TMEM178B: variants seen among roughly 807,000 people sequenced by gnomAD.
TMEM178B encodes the protein transmembrane protein 178B.
Under a neutral mutation model 31.0 loss-of-function variants are expected in TMEM178B, and 5 were observed. The observed-to-expected ratio is 0.16, with a 90% CI of 0.08 to 0.34. The LOEUF (loss-of-function observed/expected upper bound fraction) is 0.34, where lower values mean the gene tolerates loss of function less well. Ranked by LOEUF, TMEM178B falls within the 10% of genes least tolerant of loss-of-function variation. The pLI is 1.00. For missense variants in TMEM178B, 275 were observed against 400.3 expected (o/e 0.69, Z 2.67); for synonymous variants, 164 against 164.0 (o/e 1.00, Z 0.00).
chr7:141,117,830 C>T (rs1043016763), intron 1 of TMEM178B, among the ~76,000 whole-genome samples: 8 of 152,130 alleles, frequency 5.3e-5, no homozygotes, highest in Middle Eastern at 6.8e-3. Context: ...AGATGTGTGG[C>T]GTTTTTTCTG....
intron 2 of TMEM178B, among the ~76,000 whole-genome samples, chr7:141,268,103 A>G (rs1401933834): frequency 6.6e-6 from 1 of 152,236 alleles, no homozygotes; most frequent in African/African-American, 2.4e-5. Flanking sequence ...AAACTATGCA[A>G]TGGATTTCTA....
chr7:141,245,222 A>G (rs987169270), intron 2 of TMEM178B, among the ~76,000 whole-genome samples: 7 of 126,230 alleles, frequency 5.5e-5, no homozygotes, highest in Admixed American at 5.3e-4. Flanking sequence ...AAGGATGCAC[A>G]GGGGAGGTAG....
At chr7:141,493,597 T>A in the TMEM178B span, among the ~76,000 whole-genome samples, 1 of 152,140 alleles carries the variant, frequency 6.6e-6, no homozygotes, top group Non-Finnish European at 1.5e-5. Context: ...CTGCAGGTAA[T>A]TTTTTTGTTC....
intron 2 of TMEM178B, among the ~76,000 whole-genome samples, chr7:141,244,900 G>T (rs759713983): frequency 1.3e-5 from 2 of 151,900 alleles, no homozygotes; most frequent in Non-Finnish European, 2.9e-5. Flanking sequence ...CATTTTGGGA[G>T]GCTGAGGTGG....
chr7:141,074,860 C>T lies in TMEM178B; in HGVS notation c.382+168C>T, dbSNP rs544467072. 7.2e-5 allele frequency among the ~76,000 whole-genome samples: 11 copies of T among 152,228 alleles called. No homozygotes were observed. The highest frequency in any genetic ancestry group is 2.1e-4 in the South Asian group (1 of 4,834). Reference sequence around the variant, plus strand: ...GGGGCCAGGACTTGCCTCCCAATAGCTGTTAATGAAGCTTGGTGCAGGCTT... The same window carrying T: ...GGGGCCAGGACTTGCCTCCCAATAGTTGTTAATGAAGCTTGGTGCAGGCTT... On this transcript the variant is annotated intron_variant, in intron 1 of 3. Transcript: ENST00000565468. This position sits in a 1 kb window ranked among gnomAD's most constrained non-coding sequence, Gnocchi z 5.1.
chr7:141,449,067 C>T (rs1801813492), intron 3 of TMEM178B, among the ~76,000 whole-genome samples: 1 of 152,150 alleles, frequency 6.6e-6, no homozygotes, highest in Admixed American at 6.5e-5. Context: ...CTCCACAGTG[C>T]TGGATTGCTA....
At chr7:141,108,505 G>A (rs1795181845) in intron 1 of TMEM178B, among the ~76,000 whole-genome samples, 1 of 152,180 alleles carries the variant, frequency 6.6e-6, no homozygotes, top group Admixed American at 6.5e-5. Context: ...CTGGGAGTTT[G>A]TGGAAATTCT....
At chr7:141,181,552 T>A (rs2129183965) in intron 1 of TMEM178B, among the ~76,000 whole-genome samples, 1 of 152,328 alleles carries the variant, frequency 6.6e-6, no homozygotes, top group South Asian at 2.1e-4. Context: ...ATTGGGAGGT[T>A]ATATCCTGTG....
chr7:141,430,122 G>C (rs1801396596), intron 2 of TMEM178B: 1 of 152,224 alleles, frequency 6.6e-6, no homozygotes, highest in African/African-American at 2.4e-5. Flanking sequence ...GGCAGCACCA[G>C]CTCCCTGGGG....
chr7:141,502,811 T>C, the TMEM178B span, among the ~76,000 whole-genome samples: 1 of 152,094 alleles, frequency 6.6e-6, no homozygotes, highest in Non-Finnish European at 1.5e-5. Flanking sequence ...CAGCCATTAC[T>C]GGCACAACAT....
intron 2 of TMEM178B, among the ~76,000 whole-genome samples, chr7:141,224,913 G>A (rs1016076233): frequency 1.3e-5 from 2 of 152,226 alleles, no homozygotes; most frequent in Non-Finnish European, 2.9e-5. Context: ...GGCACTGGAA[G>A]TGGAGTGACC....
At chr7:141,455,497 A>T (rs1010728900) in intron 3 of TMEM178B, among the ~76,000 whole-genome samples, 28 of 152,252 alleles carry the variant, frequency 1.8e-4, no homozygotes, top group Non-Finnish European at 1.5e-5. Flanking sequence ...ATACAGGTGT[A>T]CATGAAATTG....
intron 3 of TMEM178B, among the ~76,000 whole-genome samples, chr7:141,462,351 A>G (rs1266587942): frequency 3.3e-5 from 5 of 152,176 alleles, no homozygotes; most frequent in Admixed American, 2.0e-4. Flanking sequence ...TGGCCAGGGA[A>G]CACCTTGAAT....
intron 2 of TMEM178B, among the ~76,000 whole-genome samples, chr7:141,287,499 A>G (rs1223378240): frequency 6.6e-6 from 1 of 152,200 alleles, no homozygotes; most frequent in East Asian, 1.9e-4. Flanking sequence ...TATAGAAATG[A>G]GGTTATGTAG....
intron 1 of TMEM178B, among the ~76,000 whole-genome samples, chr7:141,184,876 G>A (rs1796584023): frequency 6.6e-6 from 1 of 152,198 alleles, no homozygotes; most frequent in South Asian, 2.1e-4. Context: ...CCAGAGAGAG[G>A]AAAACACAGG....
chr7:141,098,846 A>G (rs943500482), intron 1 of TMEM178B, among the ~76,000 whole-genome samples: 1 of 152,222 alleles, frequency 6.6e-6, no homozygotes, highest in Non-Finnish European at 1.5e-5. Flanking sequence ...GTGCAAGTGC[A>G]TATCTGAAAG....
chr7:141,420,389 T>G (rs1801181859), intron 2 of TMEM178B, among the ~76,000 whole-genome samples: 1 of 152,228 alleles, frequency 6.6e-6, no homozygotes, highest in African/African-American at 2.4e-5. Flanking sequence ...TTTCTGTTGA[T>G]GAAACTTTTT....
At chr7:141,442,103 C>T (rs138139590) in intron 3 of TMEM178B, among the ~76,000 whole-genome samples, 69 of 152,320 alleles carry the variant, frequency 4.5e-4, no homozygotes, top group East Asian at 7.7e-4. Context: ...CAAGGGAGCA[C>T]GTGACTGCTA....
chr7:141,265,975 G>T (rs1798089236), intron 2 of TMEM178B, among the ~76,000 whole-genome samples: 1 of 152,136 alleles, frequency 6.6e-6, no homozygotes, highest in South Asian at 2.1e-4. Flanking sequence ...TGGATGTGGT[G>T]CCTGACTGAG....
Sources: allele counts gnomAD v4.1 joint callset (sites outside exome capture counted in the v4.1 genomes callset), GRCh38; gene constraint gnomAD v4.1.1; non-coding constraint Gnocchi (gnomAD v3.1); transcripts MANE v1.5; gene names NCBI Gene and HGNC (gene_info 2026-07-23, HGNC 2026-07-21).